ANKRD11: variants seen among roughly 807,000 people sequenced by gnomAD.
The protein encoded by ANKRD11 is ankyrin repeat domain 11.
In ANKRD11, 17 loss-of-function variants were observed where a neutral mutation model predicts 195.7. The ratio of observed to expected loss-of-function variants is 0.09; its 90% CI spans 0.06 to 0.13. The LOEUF is 0.13. Among genes scored for constraint, ANKRD11 ranks in the 10% least tolerant of loss-of-function variants. ANKRD11 has a pLI of 1.00. For missense variants in ANKRD11, 3,735 were observed against 3,566.1 expected (o/e 1.05, Z -1.21); for synonymous variants, 1,953 against 1,528.1 (o/e 1.28, Z -6.49).
chr16:89,288,565 G>A lies in ANKRD11; in HGVS notation c.707C>T (p.Thr236Met), dbSNP rs778367008. 3 of 1,614,138 alleles carry A rather than the reference G, an allele frequency of 1.9e-6. No homozygotes were observed. The highest frequency in any genetic ancestry group is 2.5e-6 in the Non-Finnish European group (3 of 1,180,018). ...GTTGTTGGCAGCGTCGTGCAAAGGC[G>A]TGTCGTCATCTAGGCCCTTGGTGTT... ...EVNTKGLDDD[T>M]PLHDAANNGH... The change falls in exon 7 of 13, where the codon ACG becomes ATG. Residue 236 changes from threonine to methionine, a missense_variant. Thr to Met is a moderately conservative substitution (Grantham distance 81, BLOSUM62 -1). Transcript: ENST00000301030.
intron 2 of ANKRD11, among the ~76,000 whole-genome samples, chr16:89,374,427 C>G (rs751925293): frequency 6.6e-6 from 1 of 152,086 alleles, no homozygotes; most frequent in Non-Finnish European, 1.5e-5. Context: ...CTGAACGATA[C>G]AACAGGAACT....
rs2043050286 is a variant in ANKRD11 at position 89,432,946 on chromosome 16, CTCTCT to C, written c.-144-14583_-144-14579del. ...CAGCCATGGGTGACAGAGACCCTATCTCTCTCTCTCTCTCTCTCTCTCTCTCTCTC... is the reference window on the plus strand; with the variant it reads ...CAGCCATGGGTGACAGAGACCCTATCCTCTCTCTCTCTCTCTCTCTCTCTC... On this transcript the variant is annotated intron_variant, in intron 1 of 12. Transcript: ENST00000301030. Among the ~76,000 whole-genome samples, 3 of 16,046 alleles carry C rather than the reference CTCTCT, an allele frequency of 1.9e-4. No homozygotes were observed. The South Asian group carries it at 5.8e-3, about 31-fold the overall frequency. The allele number at this position is 16,046 out of a possible 152,430, so 10.5% of individuals were successfully genotyped here. A position where few individuals can be genotyped will look rare whatever the true frequency, so the allele number is the denominator to read the frequency against.
At chr16:89,364,618 G>A (rs1327030921) in intron 2 of ANKRD11, among the ~76,000 whole-genome samples, 1 of 152,158 alleles carries the variant, frequency 6.6e-6, no homozygotes, top group Non-Finnish European at 1.5e-5. Flanking sequence ...ACTGGCTTGG[G>A]CCACACATAA....
At chr16:89,286,948 T>C (rs2034690340) in intron 7 of ANKRD11, 10 of 1,289,612 alleles carry the variant, frequency 7.8e-6, no homozygotes, top group Non-Finnish European at 1.0e-5. Flanking sequence ...GCCCACAGAA[T>C]CAGTTTCCAG....
At chr16:89,320,461 G>C (rs934869627) in intron 2 of ANKRD11, 1 of 152,232 alleles carries the variant, frequency 6.6e-6, no homozygotes, top group Non-Finnish European at 1.5e-5. Flanking sequence ...TGTGCTGAGC[G>C]GCAAGGCACA....
chr16:89,440,576 T>C lies in ANKRD11; in HGVS notation c.-144-22208A>G, dbSNP rs988562495. On this transcript the variant is annotated intron_variant, in intron 1 of 12. Transcript: ENST00000301030. ...CACTACAGTGAGCTGTGAGTACCAATGCACTCCAACCTGGATGACACGACA... is the reference window on the plus strand; with the variant it reads ...CACTACAGTGAGCTGTGAGTACCAACGCACTCCAACCTGGATGACACGACA... Among the ~76,000 whole-genome samples the C allele has an allele frequency of 9.2e-5, 14 of 152,072 alleles. No homozygotes were observed. In the East Asian group the frequency reaches 1.5e-3, roughly 17 times the overall value.
chr16:89,291,314 G>A lies in ANKRD11; in HGVS notation c.227-131C>T, dbSNP rs908170980. ...GCTGACAGAGCAGAAAGGAAGGTCT[G>A]TGTATGGGGAAAGCACAGCGGTGCT... is the stretch of plus-strand genomic sequence containing the variant. On this transcript the variant is annotated intron_variant, in intron 4 of 12. Transcript: ENST00000301030. The surrounding 1 kb of genome is among the most constrained non-coding windows in gnomAD (Gnocchi z 5.3). The A allele has an allele frequency of 1.9e-5, 23 of 1,181,502 alleles. No homozygotes were observed. Among genetic ancestry groups the A allele is most frequent in the South Asian group, 9.2e-5 (7 of 76,006 alleles). 73.2% of individuals were successfully genotyped at this position (1,181,502 alleles called of 1,614,324 possible).
intron 2 of ANKRD11, chr16:89,324,672 T>C (rs530430674): frequency 1.4e-5 from 5 of 363,500 alleles, no homozygotes; most frequent in Non-Finnish European, 2.7e-5. Flanking sequence ...TGCTGGATAC[T>C]TCCTGCCCTC....
intron 1 of ANKRD11, among the ~76,000 whole-genome samples, chr16:89,457,793 AC>A (rs2056502941): frequency 6.6e-6 from 1 of 152,088 alleles, no homozygotes; most frequent in African/African-American, 2.4e-5. Flanking sequence ...ATCCTACTGT[AC>A]CTTCTAAAAT....
chr16:89,348,397 T>C (rs1281254345), intron 2 of ANKRD11, among the ~76,000 whole-genome samples: 1 of 152,226 alleles, frequency 6.6e-6, no homozygotes, highest in Non-Finnish European at 1.5e-5. Context: ...CTATCTCCTA[T>C]AACTTAAATT....
intron 2 of ANKRD11, among the ~76,000 whole-genome samples, chr16:89,401,102 T>G (rs1006827309): frequency 2.3e-5 from 1 of 44,332 alleles, no homozygotes. Flanking sequence ...CCACCCGCCC[T>G]CCCCCTCCCC....
In ANKRD11 at chr16:89,291,187, T is replaced by G; in HGVS notation, c.227-4A>C. 6.2e-7 allele frequency: 1 copy of G among 1,613,312 alleles called. No individual in the cohort carries two copies. Among genetic ancestry groups the G allele is most frequent in the Non-Finnish European group, 8.5e-7 (1 of 1,179,916 alleles). On this transcript the variant is annotated splice_polypyrimidine_tract_variant and splice_region_variant and intron_variant, in intron 4 of 12. Coordinates refer to ENST00000301030, the MANE Select transcript of ANKRD11 (RefSeq NM_013275.6). This position sits in a 1 kb window ranked among gnomAD's most constrained non-coding sequence, Gnocchi z 5.3. Reference sequence around the variant, plus strand: ...TTCCGCTCAGGGCCCTGCTTCTCTGTGAGGCGGGCGAGGGAGAGAGGGAGG... The same window carrying G: ...TTCCGCTCAGGGCCCTGCTTCTCTGGGAGGCGGGCGAGGGAGAGAGGGAGG...
At chr16:89,381,567 CAAGT>C (rs2040657444) in intron 2 of ANKRD11, among the ~76,000 whole-genome samples, 1 of 152,150 alleles carries the variant, frequency 6.6e-6, no homozygotes, top group East Asian at 1.9e-4. Flanking sequence ...ATTATCCAAA[CAAGT>C]AACTTACATG....
intron 2 of ANKRD11, chr16:89,392,349 T>A (rs2041236270): frequency 6.6e-6 from 1 of 152,426 alleles, no homozygotes; most frequent in Non-Finnish European, 1.5e-5. Flanking sequence ...GGCCCATTCC[T>A]GAAGGATCAC....
chr16:89,327,256 T>A (rs577698657), intron 2 of ANKRD11, among the ~76,000 whole-genome samples: 1 of 152,280 alleles, frequency 6.6e-6, no homozygotes, highest in African/African-American at 2.4e-5. Flanking sequence ...AATCATTTGA[T>A]AAAATTCAAA....
intron 1 of ANKRD11, among the ~76,000 whole-genome samples, chr16:89,457,002 C>T (rs1446485522): frequency 6.7e-6 from 1 of 148,850 alleles, no homozygotes; most frequent in Non-Finnish European, 1.5e-5. Context: ...CTCTGTCGCC[C>T]AGGCTGGAGT....
chr16:89,314,684 G>A (rs999864895), intron 3 of ANKRD11, among the ~76,000 whole-genome samples: 2 of 152,188 alleles, frequency 1.3e-5, no homozygotes, highest in Admixed American at 1.3e-4. Flanking sequence ...TGAGCCAGGA[G>A]AGCTCCCTCT....
intron 2 of ANKRD11, among the ~76,000 whole-genome samples, chr16:89,413,973 C>T (rs1003870049): frequency 6.6e-6 from 1 of 152,070 alleles, no homozygotes; most frequent in African/African-American, 2.4e-5. Context: ...CAACAGCAAG[C>T]GGAGGGGGCT....
chr16:89,335,964 T>A (rs2038332104), intron 2 of ANKRD11, among the ~76,000 whole-genome samples: 1 of 152,188 alleles, frequency 6.6e-6, no homozygotes, highest in African/African-American at 2.4e-5. Flanking sequence ...GCAACATGCT[T>A]CAAGATGCCC....
Sources: allele counts gnomAD v4.1 joint callset (sites outside exome capture counted in the v4.1 genomes callset), GRCh38; gene constraint gnomAD v4.1.1; non-coding constraint Gnocchi (gnomAD v3.1); transcripts MANE v1.5; gene names NCBI Gene and HGNC (gene_info 2026-07-23, HGNC 2026-07-21).